CCDC169: variants seen among roughly 807,000 people sequenced by gnomAD.
The protein encoded by CCDC169 is coiled-coil domain-containing protein 169.
Under a neutral mutation model 36.0 loss-of-function variants are expected in CCDC169, and 30 were observed. The ratio of observed to expected loss-of-function variants is 0.83; its 90% CI spans 0.62 to 1.13. CCDC169 has a LOEUF of 1.13. CCDC169 is among the 50% of genes most tolerant of loss of function. The probability of loss-of-function intolerance (pLI) is 0.00; values close to 1 mark genes in which losing one functional copy is unlikely to be tolerated. For synonymous variants in CCDC169, 85 were observed against 81.5 expected (o/e 1.04, Z -0.23); for missense variants, 245 against 245.9 (o/e 1.00, Z 0.03).
chr13:36,286,725 A>G (rs919951326), intron 2 of CCDC169, among the ~76,000 whole-genome samples: 3 of 152,078 alleles, frequency 2.0e-5, no homozygotes, highest in Admixed American at 6.6e-5. Flanking sequence ...CTCTGGCTGG[A>G]AACAGTTTAC....
chr13:36,269,142 AC>A (rs1875717892), intron 4 of CCDC169, among the ~76,000 whole-genome samples: 1 of 152,104 alleles, frequency 6.6e-6, no homozygotes. Context: ...TGCTATGAAT[AC>A]CTTTATGTGC....
chr13:36,283,609 A>G lies in CCDC169; in HGVS notation c.257T>C (p.Ile86Thr). Residue 86 changes from isoleucine (I) to threonine (T), a missense_variant, in exon 3 of 8, where the codon ATC (isoleucine) becomes ACC (threonine). Coordinates refer to ENST00000239859, the MANE Select transcript of CCDC169 (RefSeq NM_001144981.3). ...IVYLKEKVEK[I>T]HGNSSDRLSS... ...TTTTGTACCTGAAGAGTTTCCATGG[A>G]TTTTTTCCACTTTCTCCTTGAGATA... 6.4e-7 allele frequency: 1 copy of G among 1,551,230 alleles called. No individual in the cohort carries two copies. Among genetic ancestry groups the G allele is most frequent in the Non-Finnish European group, 8.7e-7 (1 of 1,146,800 alleles).
chr13:36,264,219 T>C (rs1874975014), intron 4 of CCDC169, among the ~76,000 whole-genome samples: 1 of 152,168 alleles, frequency 6.6e-6, no homozygotes, highest in African/African-American at 2.4e-5. Context: ...AGGCAATATA[T>C]GATTAAAAGC....
chr13:36,247,548 T>C (rs1322296618), intron 7 of CCDC169, among the ~76,000 whole-genome samples: 3 of 152,072 alleles, frequency 2.0e-5, no homozygotes, highest in African/African-American at 7.2e-5. Flanking sequence ...CCCTCACAGA[T>C]GACTATGAGG....
At chr13:36,227,422 G>A (rs551764567), downstream of CCDC169, 89 of 1,472,138 alleles carry the variant, frequency 6.0e-5, no homozygotes, top group African/African-American at 1.1e-3. Flanking sequence ...TAAGGACAGC[G>A]AAGGTACAAA....
intron 4 of CCDC169, among the ~76,000 whole-genome samples, chr13:36,277,931 C>A (rs908406816): frequency 9.6e-4 from 130 of 136,068 alleles, no homozygotes; most frequent in Middle Eastern, 4.2e-3. Context: ...GGCAACAGAG[C>A]AAGACTCCGT....
At chr13:36,255,248 T>C (rs370533840) in intron 4 of CCDC169, among the ~76,000 whole-genome samples, 1 of 152,116 alleles carries the variant, frequency 6.6e-6, no homozygotes, top group Non-Finnish European at 1.5e-5. Context: ...AGGCAGTAGG[T>C]GTCCTCCTCC....
intron 7 of CCDC169, among the ~76,000 whole-genome samples, chr13:36,238,697 A>C (rs1177220391): frequency 6.6e-6 from 1 of 152,112 alleles, no homozygotes; most frequent in African/African-American, 2.4e-5. Context: ...GCCCATTTCT[A>C]AAAGATCTAA....
At chr13:36,261,246 A>G (rs9546963) in intron 4 of CCDC169, among the ~76,000 whole-genome samples, 61,279 of 151,898 alleles carry the variant, frequency 0.4, 13,170 homozygotes, top group Non-Finnish European at 0.48. Flanking sequence ...GCGACTTTGC[A>G]TTGGCTCAAC....
chr13:36,285,487 T>C (rs1878075265), intron 2 of CCDC169, among the ~76,000 whole-genome samples: 1 of 151,964 alleles, frequency 6.6e-6, no homozygotes, highest in South Asian at 2.1e-4. Context: ...GAGGCAGAGG[T>C]TGCAGTGAGC....
intron 4 of CCDC169, among the ~76,000 whole-genome samples, chr13:36,264,144 T>C (rs1206565877): frequency 2.6e-5 from 4 of 152,158 alleles, no homozygotes; most frequent in Admixed American, 6.6e-5. Context: ...CTGAATTAGA[T>C]GGGATTCAAA....
intron 2 of CCDC169, among the ~76,000 whole-genome samples, chr13:36,285,581 AATAAG>A (rs1878091771): frequency 6.9e-6 from 1 of 144,878 alleles, no homozygotes; most frequent in Non-Finnish European, 1.5e-5. Context: ...AAAAAAATAA[AATAAG>A]ATAGATAGAT....
In CCDC169 at chr13:36,230,971, T is replaced by A. The variant is rs1870351967; in HGVS notation, c.*222A>T. The A allele has an allele frequency of 7.9e-7, 1 of 1,271,024 alleles. No individual in the cohort carries two copies. Among genetic ancestry groups the A allele is most frequent in the South Asian group, 2.3e-5 (1 of 44,060 alleles). 78.7% of individuals were successfully genotyped at this position (1,271,024 alleles called of 1,614,324 possible). A position where few individuals can be genotyped will look rare whatever the true frequency, so the allele number is the denominator to read the frequency against. On this transcript the variant is annotated 3_prime_UTR_variant, in exon 8 of 8. Coordinates refer to ENST00000239859, the MANE Select transcript of CCDC169 (RefSeq NM_001144981.3). ...GCCAGCCTTCAGATTCCCTAGGATA[T>A]TTTAAAACTCTCAAGCACTTCTATT...
At chr13:36,234,719 T>C (rs1434618122) in intron 7 of CCDC169, among the ~76,000 whole-genome samples, 1 of 152,106 alleles carries the variant, frequency 6.6e-6, no homozygotes, top group Non-Finnish European at 1.5e-5. Flanking sequence ...AAGAATTCTA[T>C]ATGCAACAAA....
chr13:36,233,963 G>C (rs1870760884), intron 7 of CCDC169, among the ~76,000 whole-genome samples: 1 of 152,132 alleles, frequency 6.6e-6, no homozygotes, highest in Non-Finnish European at 1.5e-5. Flanking sequence ...CTTTTCCCCA[G>C]ATCTAGGAGA....
intron 6 of CCDC169, 84 bp from the exon 7 acceptor site, chr13:36,248,766 T>A: frequency 7.9e-7 from 1 of 1,271,318 alleles, no homozygotes; most frequent in Non-Finnish European, 1.1e-6. Flanking sequence ...CTCAATTAAC[T>A]CTCCCATAAC....
chr13:36,296,738 T>C (rs1594102306), intron 1 of CCDC169, among the ~76,000 whole-genome samples: 1 of 152,244 alleles, frequency 6.6e-6, no homozygotes, highest in Non-Finnish European at 1.5e-5. Flanking sequence ...ACTGGATGCG[T>C]ATCACAAGCC....
At chr13:36,246,862 C>T (rs913001717) in intron 7 of CCDC169, among the ~76,000 whole-genome samples, 3 of 152,154 alleles carry the variant, frequency 2.0e-5, no homozygotes, top group African/African-American at 7.2e-5. Flanking sequence ...CCTATCTCAG[C>T]CCCACAGTCC....
intron 4 of CCDC169, among the ~76,000 whole-genome samples, chr13:36,268,542 C>T (rs1478471108): frequency 6.6e-6 from 1 of 151,980 alleles, no homozygotes; most frequent in Non-Finnish European, 1.5e-5. Flanking sequence ...AAATTGACAA[C>T]CTAACGTCAT....
Sources: gnomAD v4.1 joint callset for allele counts (sites outside exome capture counted in the v4.1 genomes callset) on GRCh38, gnomAD v4.1.1 for gene constraint, MANE v1.5 for transcripts, NCBI Gene and HGNC (gene_info 2026-07-23, HGNC 2026-07-21) for gene names.